MLLT1: variants seen among roughly 807,000 people sequenced by gnomAD.
MLLT1 encodes MLLT1 super elongation complex subunit.
Under a neutral mutation model 55.1 loss-of-function variants are expected in MLLT1, and 11 were observed. The ratio of observed to expected loss-of-function variants is 0.20; its 90% confidence interval spans 0.13 to 0.33. MLLT1 has a LOEUF of 0.33. MLLT1 is among the 10% of genes least tolerant of loss of function. The pLI, the probability that MLLT1 is intolerant of heterozygous loss-of-function variation, is 1.00. For synonymous variants in MLLT1, 323 were observed against 320.1 expected (o/e 1.01, Z -0.10); for missense variants, 536 against 760.6 (o/e 0.70, Z 3.47).
chr19:6,241,244 C>T (rs898705558), intron 3 of MLLT1, among the ~76,000 whole-genome samples: 12 of 152,206 alleles, frequency 7.9e-5, no homozygotes, highest in South Asian at 4.1e-4. Context: ...CCTAGACCCC[C>T]GCCCCATCCC....
In MLLT1 at chr19:6,225,063, A is replaced by G. The variant is rs148677570; in HGVS notation, c.546+1914T>C. On this transcript the variant is annotated intron_variant, in intron 5 of 11. Coordinates refer to ENST00000252674, the MANE Select transcript of MLLT1 (RefSeq NM_005934.4). ...TTTGCAAGGTTGTCTGCGAACCTCC[A>G]CGGGAAAGAGCAACCAGGCCAAGTA... 2.0e-5 allele frequency among the ~76,000 whole-genome samples: 3 copies of G among 152,268 alleles called. No homozygotes were observed. In the East Asian group the frequency reaches 5.8e-4, roughly 29 times the overall value.
chr19:6,213,719 C>A lies in MLLT1; in HGVS notation c.1479+7G>T. On this transcript the variant is annotated splice_region_variant and intron_variant, in intron 10 of 11. Coordinates refer to ENST00000252674, the MANE Select transcript of MLLT1 (RefSeq NM_005934.4). The stretch of plus-strand genomic sequence containing the variant: ...GCCTCCCCGCCTTGTCGTAGGTGCC[C>A]CCCCACCTTGTCGTAGGTGCCCTTC... 2 of 1,610,760 alleles carry A rather than the reference C, an allele frequency of 1.2e-6. No individual in the cohort carries two copies. Among genetic ancestry groups the A allele is most frequent in the Non-Finnish European group, 8.5e-7 (1 of 1,177,406 alleles).
chr19:6,250,825 CAAGAGGTGGGA>C (rs1235570553), intron 3 of MLLT1, among the ~76,000 whole-genome samples: 1 of 152,072 alleles, frequency 6.6e-6, no homozygotes, highest in African/African-American at 2.4e-5. Context: ...TCACAATAGC[CAAGAGGTGGGA>C]ACAGCCTGCA....
intron 1 of MLLT1, among the ~76,000 whole-genome samples, chr19:6,272,582 C>A (rs566585595): frequency 6.6e-6 from 1 of 152,366 alleles, no homozygotes; most frequent in South Asian, 2.1e-4. Flanking sequence ...TTCATCCCAT[C>A]CCCCGCTCCT....
Position 6,227,232 on chromosome 19 carries a change from A to T in MLLT1, c.421-130T>A, listed in dbSNP as rs963561743. On this transcript the variant is annotated intron_variant, in intron 4 of 11. Transcript: ENST00000252674. The surrounding 1 kb of genome is among the most constrained non-coding windows in gnomAD (Gnocchi z 5.1). ...GAGAGCCTGAGCGCTTTCCCGAAAG[A>T]ATCCCAGGTGCTTCCCTGCTGGGGA... 1.8e-5 allele frequency: 17 copies of T among 940,464 alleles called. No individual in the cohort carries two copies. The highest frequency in any genetic ancestry group is 2.6e-5 in the Non-Finnish European group (17 of 653,098). The allele number at this position is 940,464 out of a possible 1,614,324, so 58.3% of individuals were successfully genotyped here.
rs535576614 is a variant in MLLT1 at position 6,245,525 on chromosome 19, A to G, written c.277-14812T>C. ...GGAGATCGAGACCATCCTGGCTAAC[A>G]TGGTGAAACCCCGTCTCTACTAAAA... On this transcript the variant is annotated intron_variant, in intron 3 of 11. Coordinates refer to ENST00000252674, the MANE Select transcript of MLLT1 (RefSeq NM_005934.4). Among the ~76,000 whole-genome samples the G allele has an allele frequency of 2.3e-4, 34 of 147,590 alleles. No homozygotes were observed. In the South Asian group the frequency reaches 7.9e-3, roughly 35 times the overall value.
chr19:6,214,082 C>A (rs749810614), intron 8 of MLLT1, 44 bp from the exon 9 acceptor site: 11 of 1,243,116 alleles, frequency 8.8e-6, no homozygotes, highest in African/African-American at 1.6e-5. Flanking sequence ...GCCGCCACCA[C>A]GGCCCCCACC....
At chr19:6,216,684 C>T (rs919093224) in intron 7 of MLLT1, 171 bp from the exon 8 acceptor site, 7 of 572,174 alleles carry the variant, frequency 1.2e-5, no homozygotes, top group Admixed American at 6.5e-5. Flanking sequence ...GCCCCCACAC[C>T]GGCAGCCACC....
Position 6,273,059 on chromosome 19 carries a change from C to T in MLLT1, c.13-2300G>A, listed in dbSNP as rs1450558650. Reference sequence around the variant, plus strand: ...TCCCTGGGAAAAGAGGGCAGGGACTCCCTAGGGACCAGGCACACTGCAGGG... The same window carrying T: ...TCCCTGGGAAAAGAGGGCAGGGACTTCCTAGGGACCAGGCACACTGCAGGG... On this transcript the variant is annotated intron_variant, in intron 1 of 11. Transcript: ENST00000252674. This position sits in a 1 kb window ranked among gnomAD's most constrained non-coding sequence, Gnocchi z 4.3. 6.6e-6 allele frequency among the ~76,000 whole-genome samples: 1 copy of T among 152,122 alleles called. No homozygotes were observed. The highest frequency in any genetic ancestry group is 1.5e-5 in the Non-Finnish European group (1 of 68,004).
At position 6,218,024 on chromosome 19, in the gene MLLT1, C is replaced by A. The variant is rs753003626; in HGVS notation, c.1128G>T (p.Pro376=). 2 of 1,609,722 alleles carry A rather than the reference C, an allele frequency of 1.2e-6. No individual in the cohort carries two copies. Among genetic ancestry groups the A allele is most frequent in the East Asian group, 2.3e-5 (1 of 44,370 alleles). The change falls in exon 7 of 12, where the codon CCG becomes CCT. Residue 376 remains proline (P), a synonymous_variant. Coordinates refer to ENST00000252674, the MANE Select transcript of MLLT1 (RefSeq NM_005934.4). ...SFKSESAQSS[P]SNSSSSSDSS... is the part of the protein sequence containing the mutation. ...AGTCTGAGCTGGAGCTGGAGTTGGA[C>A]GGGCTTGACTGGGCAGACTTCACCC...
At chr19:6,259,578 C>T (rs892192457) in intron 3 of MLLT1, 3 of 152,170 alleles carry the variant, frequency 2.0e-5, no homozygotes, top group Non-Finnish European at 2.9e-5. Context: ...TGGACCTTGC[C>T]GTGGGGCCAC....
At chr19:6,264,480 C>G (rs1014326313) in intron 2 of MLLT1, among the ~76,000 whole-genome samples, 2 of 150,928 alleles carry the variant, frequency 1.3e-5, no homozygotes, top group Admixed American at 1.3e-4. Flanking sequence ...AGGAAAGAGC[C>G]CGAGCAAACA....
rs937315953 is a variant in MLLT1, at chr19:6,230,277, C to T, written c.420+293G>A. ...CAAGCCAGCTCCAGGCCCAGCCACG[C>T]GGTCAGACCAGCCTCGCGCCCATCC... is the stretch of plus-strand genomic sequence containing the variant. On this transcript the variant is annotated intron_variant, in intron 4 of 11. Transcript: ENST00000252674. This position sits in a 1 kb window ranked among gnomAD's most constrained non-coding sequence, Gnocchi z 9.0. Among the ~76,000 whole-genome samples the T allele has an allele frequency of 2.6e-5, 4 of 152,216 alleles. No individual in the cohort carries two copies. Among genetic ancestry groups the T allele is most frequent in the African/African-American group, 9.7e-5 (4 of 41,444 alleles).
chr19:6,238,913 A>G (rs2144893951), intron 3 of MLLT1, among the ~76,000 whole-genome samples: 1 of 152,376 alleles, frequency 6.6e-6, no homozygotes, highest in Admixed American at 6.5e-5. Flanking sequence ...CTAGGCAGCG[A>G]GCCCTGTGGG....
chr19:6,213,300 C>T (rs762951307), intron 11 of MLLT1, 37 bp downstream of exon 11: 8 of 1,610,960 alleles, frequency 5.0e-6, no homozygotes, highest in East Asian at 2.2e-5. Flanking sequence ...ACAGGCACCC[C>T]GACCTCTGCC....
chr19:6,220,468 C>T lies in MLLT1; in HGVS notation c.1110+1653G>A, dbSNP rs1011524412. On this transcript the variant is annotated intron_variant, in intron 6 of 11. Coordinates refer to ENST00000252674, the MANE Select transcript of MLLT1 (RefSeq NM_005934.4). ...AAGCCTCCTCCAGCAACTCCAGCCT[C>T]AAGGCCACCCAGCCACTCTAAGCAG... Among the ~76,000 whole-genome samples, 65 of 152,260 alleles carry T rather than the reference C, an allele frequency of 4.3e-4. 1 individual carries two copies. The highest frequency in any genetic ancestry group is 3.2e-3 in the Middle Eastern group (1 of 316).
In MLLT1 at chr19:6,222,092, T is replaced by G. The variant is rs946943327; in HGVS notation, c.1110+29A>C. The G allele has an allele frequency of 6.8e-6, 10 of 1,466,362 alleles. No homozygotes were observed. Among genetic ancestry groups the G allele is most frequent in the Non-Finnish European group, 9.0e-6 (10 of 1,105,698 alleles). 90.8% of individuals were successfully genotyped at this position (1,466,362 alleles called of 1,614,324 possible). ...CGGGTCCCACCACACTGCCTGCACC[T>G]GGCTGCCCTGCCCCCAGCACTCACT... On this transcript the variant is annotated intron_variant, in intron 6 of 11. Coordinates refer to ENST00000252674, the MANE Select transcript of MLLT1 (RefSeq NM_005934.4). This position sits in a 1 kb window ranked among gnomAD's most constrained non-coding sequence, Gnocchi z 4.1.
At chr19:6,213,476 C>T in intron 10 of MLLT1, 68 bp from the exon 11 acceptor site, 3 of 1,344,082 alleles carry the variant, frequency 2.2e-6, no homozygotes, top group Non-Finnish European at 3.2e-6. Flanking sequence ...CATGCCCAGC[C>T]CCACCCATGA....
chr19:6,213,530 C>T lies in MLLT1; in HGVS notation c.1480-122G>A, dbSNP rs1017220394. 9.7e-5 allele frequency: 102 copies of T among 1,055,162 alleles called. No individual in the cohort carries two copies. In the African/African-American group the frequency reaches 1.5e-3, roughly 15 times the overall value. 65.4% of individuals were successfully genotyped at this position (1,055,162 alleles called of 1,614,324 possible). On this transcript the variant is annotated intron_variant, in intron 10 of 11. Transcript: ENST00000252674. ...AGGACAGAGGTAGCCACATCCAAAC[C>T]AAGGAAGGCCCAAGGCTGCAGGGGC...
Sources: allele counts gnomAD v4.1 joint callset (sites outside exome capture counted in the v4.1 genomes callset), GRCh38; gene constraint gnomAD v4.1.1; non-coding constraint Gnocchi (gnomAD v3.1); transcripts MANE v1.5; gene names NCBI Gene and HGNC (gene_info 2026-07-23, HGNC 2026-07-21).